OTUD7A: variants seen among roughly 807,000 people sequenced by gnomAD.
OTUD7A encodes OTU deubiquitinase 7A.
In OTUD7A, 12 loss-of-function variants were observed where a neutral mutation model predicts 65.7. The observed-to-expected ratio is 0.18, with a 90% CI of 0.12 to 0.30. OTUD7A has a LOEUF of 0.30. Ranked by LOEUF, OTUD7A falls within the 10% of genes least tolerant of loss-of-function variation. The pLI is 1.00. For synonymous variants in OTUD7A, 641 were observed against 586.3 expected (o/e 1.09, Z -1.35); for missense variants, 1,148 against 1,304.8 (o/e 0.88, Z 1.85).
intron 3 of OTUD7A, among the ~76,000 whole-genome samples, chr15:31,649,311 CA>C (rs1389929436): frequency 6.6e-6 from 1 of 152,192 alleles, no homozygotes; most frequent in Non-Finnish European, 1.5e-5. Context: ...TCACTTGCCT[CA>C]GTTTACCAAG....
intron 3 of OTUD7A, among the ~76,000 whole-genome samples, chr15:31,641,961 T>C (rs187256578): frequency 5.3e-4 from 80 of 152,338 alleles, no homozygotes; most frequent in Non-Finnish European, 1.0e-3. Flanking sequence ...TGGATAGAAG[T>C]AGTGAAAGGG....
intron 1 of OTUD7A, among the ~76,000 whole-genome samples, chr15:31,745,916 T>C (rs1319629097): frequency 6.6e-6 from 1 of 152,070 alleles, no homozygotes; most frequent in Non-Finnish European, 1.5e-5. Flanking sequence ...ATACAAATGG[T>C]CAACAGTAGA....
intron 1 of OTUD7A, among the ~76,000 whole-genome samples, chr15:31,724,269 T>C (rs1374557305): frequency 3.3e-5 from 5 of 152,250 alleles, no homozygotes; most frequent in South Asian, 2.1e-4. Flanking sequence ...TTCTCTTCTA[T>C]GGCTTGTGGG....
intron 1 of OTUD7A, among the ~76,000 whole-genome samples, chr15:31,711,328 A>G (rs1893440359): frequency 6.6e-6 from 1 of 152,058 alleles, no homozygotes; most frequent in Admixed American, 6.5e-5. Context: ...TGATCAATGA[A>G]TCTGTATTTG....
chr15:31,744,067 A>G (rs766711559), intron 1 of OTUD7A, among the ~76,000 whole-genome samples: 14 of 152,250 alleles, frequency 9.2e-5, no homozygotes, highest in Admixed American at 2.0e-4. Context: ...AAAAGGAAAC[A>G]GAAAATCTGA....
chr15:31,588,716 C>T (rs1398882026), intron 3 of OTUD7A, among the ~76,000 whole-genome samples: 2 of 152,228 alleles, frequency 1.3e-5, no homozygotes, highest in African/African-American at 4.8e-5. Flanking sequence ...TCCACACACT[C>T]ATCCAGGGAT....
At chr15:31,736,071 G>A (rs1894183488) in intron 1 of OTUD7A, among the ~76,000 whole-genome samples, 1 of 152,198 alleles carries the variant, frequency 6.6e-6, no homozygotes, top group Non-Finnish European at 1.5e-5. Context: ...AGGGCAGAGG[G>A]TGGGAGGAGG....
chr15:31,685,050 T>C (rs1277202030), intron 1 of OTUD7A, among the ~76,000 whole-genome samples: 8 of 152,092 alleles, frequency 5.3e-5, no homozygotes, highest in Non-Finnish European at 1.2e-4. Flanking sequence ...ATTCCAAACT[T>C]GAAAAAGGGA....
At chr15:31,656,794 C>T (rs576347195) in intron 2 of OTUD7A, among the ~76,000 whole-genome samples, 189 bp downstream of exon 2, 1 of 151,906 alleles carries the variant, frequency 6.6e-6, no homozygotes, top group Non-Finnish European at 1.5e-5. Flanking sequence ...CCTCTCTGAG[C>T]CCTCCTGATT....
intron 3 of OTUD7A, among the ~76,000 whole-genome samples, chr15:31,644,035 C>T (rs1421702013): frequency 6.6e-6 from 1 of 152,082 alleles, no homozygotes; most frequent in Non-Finnish European, 1.5e-5. Flanking sequence ...ATGGAGGCTC[C>T]ACCTCCCCCT....
chr15:31,796,142 CGT>C (rs145581747), intron 1 of OTUD7A, among the ~76,000 whole-genome samples: 8 of 148,118 alleles, frequency 5.4e-5, no homozygotes, highest in African/African-American at 7.5e-5. Flanking sequence ...GTAAGGGGTG[CGT>C]GTGTGTGTGT....
At chr15:31,529,524 G>A (rs1313537256) in intron 6 of OTUD7A, among the ~76,000 whole-genome samples, 1 of 152,166 alleles carries the variant, frequency 6.6e-6, no homozygotes, top group Middle Eastern at 3.2e-3. Flanking sequence ...TGGTGAATGT[G>A]GAGTACTTTT....
chr15:31,670,819 G>A (rs147761575), intron 1 of OTUD7A, among the ~76,000 whole-genome samples: 17,907 of 151,774 alleles, frequency 0.12, 1,476 homozygotes, highest in East Asian at 0.44. Flanking sequence ...GTGAAACCCC[G>A]TCTCTACTAA....
intron 8 of OTUD7A, among the ~76,000 whole-genome samples, chr15:31,521,332 G>T (rs759775440): frequency 2.6e-5 from 4 of 152,120 alleles, no homozygotes; most frequent in Non-Finnish European, 5.9e-5. Context: ...CTTTAGACAG[G>T]AAGATCAGAG....
chr15:31,561,111 A>G (rs1391190427), intron 4 of OTUD7A, among the ~76,000 whole-genome samples: 1 of 152,252 alleles, frequency 6.6e-6, no homozygotes, highest in Non-Finnish European at 1.5e-5. Flanking sequence ...TTCACCTTCA[A>G]TTTCATTCAG....
intron 1 of OTUD7A, among the ~76,000 whole-genome samples, chr15:31,696,939 G>C (rs1184176955): frequency 6.6e-6 from 1 of 151,236 alleles, no homozygotes; most frequent in East Asian, 1.9e-4. Flanking sequence ...TCTGTCACCT[G>C]TCCTGGGTGT....
intron 1 of OTUD7A, among the ~76,000 whole-genome samples, chr15:31,691,372 C>T (rs1180907580): frequency 6.6e-6 from 1 of 152,022 alleles, no homozygotes. Flanking sequence ...GAGCATGGTA[C>T]TGGCATAGAA....
At chr15:31,841,646 T>C (rs1006491725) in intron 1 of OTUD7A, among the ~76,000 whole-genome samples, 1 of 152,192 alleles carries the variant, frequency 6.6e-6, no homozygotes, top group Non-Finnish European at 1.5e-5. Context: ...AATCTGCCTC[T>C]GTCAAGACCA....
intron 1 of OTUD7A, among the ~76,000 whole-genome samples, chr15:31,800,202 G>A (rs968200216): frequency 4.6e-5 from 7 of 152,094 alleles, no homozygotes; most frequent in South Asian, 2.1e-4. Context: ...TCCCATGAAC[G>A]TCAGCTCACC....
Sources: gnomAD v4.1 joint callset for allele counts (sites outside exome capture counted in the v4.1 genomes callset) on GRCh38, gnomAD v4.1.1 for gene constraint, MANE v1.5 for transcripts, NCBI Gene and HGNC (gene_info 2026-07-23, HGNC 2026-07-21) for gene names.